The following RBKS variants were observed in gnomAD, a reference collection of about 807,000 sequenced individuals.
The protein encoded by RBKS is ribokinase.
A neutral mutation model predicts 33.9 loss-of-function variants in RBKS; 33 were observed. That is an observed-to-expected ratio of 0.97 (90% CI 0.74 to 1.30). RBKS has a LOEUF of 1.30. Among genes scored for constraint, RBKS ranks in the 50% most tolerant of loss-of-function variants. RBKS has a pLI of 0.00. For synonymous variants in RBKS, 125 were observed against 143.0 expected (o/e 0.87, Z 0.90); for missense variants, 361 against 392.6 (o/e 0.92, Z 0.68).
chr2:27,864,491 G>A (rs1664049001), intron 1 of RBKS, among the ~76,000 whole-genome samples: 1 of 152,084 alleles, frequency 6.6e-6, no homozygotes, highest in Non-Finnish European at 1.5e-5. Context: ...AAGTGTACCA[G>A]GCAATGAGAG....
intron 2 of RBKS, among the ~76,000 whole-genome samples, chr2:27,852,251 C>T (rs1005446172): frequency 1.3e-5 from 2 of 152,154 alleles, no homozygotes; most frequent in South Asian, 4.1e-4. Flanking sequence ...TTGTTCTGCC[C>T]AATACAGACA....
At chr2:27,832,506 T>A (rs73923923) in intron 6 of RBKS, among the ~76,000 whole-genome samples, 180 bp downstream of exon 6, 2 of 152,168 alleles carry the variant, frequency 1.3e-5, no homozygotes, top group Non-Finnish European at 2.9e-5. Flanking sequence ...GAATCCTTTT[T>A]TCCCCCCTAG....
intron 1 of RBKS, among the ~76,000 whole-genome samples, chr2:27,869,307 T>C (rs1248155357): frequency 6.6e-6 from 1 of 152,248 alleles, no homozygotes; most frequent in Non-Finnish European, 1.5e-5. Flanking sequence ...ATGGTGCTCC[T>C]TTCCTACTTA....
intron 4 of RBKS, among the ~76,000 whole-genome samples, chr2:27,846,672 A>G (rs1663626334): frequency 6.6e-6 from 1 of 152,224 alleles, no homozygotes; most frequent in African/African-American, 2.4e-5. Flanking sequence ...GCACCTATTT[A>G]CATATACTTA....
At position 27,890,050 on chromosome 2, in the gene RBKS, CG is replaced by C. The variant is rs1297073967; in HGVS notation, c.89+206del. On this transcript the variant is annotated intron_variant, in intron 1 of 7. Transcript: ENST00000302188. The surrounding 1 kb of genome is among the most constrained non-coding windows in gnomAD (Gnocchi z 4.8). Reference sequence around the variant, plus strand: ...GCTTTCACTAAACCCTGGCCTATTACGTCCCCTCCCCTGAGATTTACCTTTA... The same window carrying C: ...GCTTTCACTAAACCCTGGCCTATTACTCCCCTCCCCTGAGATTTACCTTTA... 3.7e-6 allele frequency: 2 copies of C among 538,594 alleles called. No homozygotes were observed. Among genetic ancestry groups the C allele is most frequent in the Non-Finnish European group, 6.6e-6 (2 of 301,128 alleles). 33.4% of individuals were successfully genotyped at this position (538,594 alleles called of 1,614,324 possible).
At chr2:27,814,925 C>CT (rs2148195838) in intron 7 of RBKS, among the ~76,000 whole-genome samples, 1 of 152,302 alleles carries the variant, frequency 6.6e-6, no homozygotes, top group African/African-American at 2.4e-5. Flanking sequence ...GCAGTACATT[C>CT]TGTTCACACA....
chr2:27,786,251 A>G (rs974587543), intron 7 of RBKS, among the ~76,000 whole-genome samples: 1 of 152,176 alleles, frequency 6.6e-6, no homozygotes, highest in Non-Finnish European at 1.5e-5. Context: ...TCTTCTTTAT[A>G]TACTTTTATA....
rs1264259029 is a variant in RBKS at position 27,837,725 on chromosome 2, A to G, written c.515-4948T>C. ...TAATCCTAATCAAATTAAAATAAGA[A>G]CAGAAAACCAAATACCACATGTATT... On this transcript the variant is annotated intron_variant, in intron 5 of 7. Transcript: ENST00000302188. This position sits in a 1 kb window ranked among gnomAD's most constrained non-coding sequence, Gnocchi z 4.0. 2.0e-5 allele frequency among the ~76,000 whole-genome samples: 3 copies of G among 152,206 alleles called. No homozygotes were observed. Among genetic ancestry groups the G allele is most frequent in the Non-Finnish European group, 4.4e-5 (3 of 68,036 alleles).
chr2:27,842,664 T>G (rs1185808585), intron 5 of RBKS, among the ~76,000 whole-genome samples: 1 of 152,014 alleles, frequency 6.6e-6, no homozygotes, highest in Non-Finnish European at 1.5e-5. Flanking sequence ...GAATTCTTTT[T>G]TTTTTTTTTG....
chr2:27,842,054 A>T (rs1201239993), intron 5 of RBKS, among the ~76,000 whole-genome samples: 2 of 152,210 alleles, frequency 1.3e-5, no homozygotes, highest in African/African-American at 4.8e-5. Flanking sequence ...ACAATTCTGC[A>T]GATGGAGTAT....
intron 7 of RBKS, among the ~76,000 whole-genome samples, chr2:27,826,441 G>A (rs972289811): frequency 1.4e-5 from 2 of 144,666 alleles, no homozygotes; most frequent in African/African-American, 2.6e-5. Context: ...ACGGACTCTC[G>A]CTCTATTGCC....
At chr2:27,828,204 C>G (rs1247354866) in intron 6 of RBKS, among the ~76,000 whole-genome samples, 1 of 151,804 alleles carries the variant, frequency 6.6e-6, no homozygotes, top group East Asian at 1.9e-4. Context: ...AAAATGTTAG[C>G]AAATGTTTAG....
chr2:27,821,410 C>T (rs1325338352), intron 7 of RBKS, among the ~76,000 whole-genome samples: 1 of 151,918 alleles, frequency 6.6e-6, no homozygotes, highest in Non-Finnish European at 1.5e-5. Flanking sequence ...TGCAATTACA[C>T]ATATTAATCC....
chr2:27,851,602 G>A (rs981969630), intron 2 of RBKS, among the ~76,000 whole-genome samples: 2 of 151,748 alleles, frequency 1.3e-5, no homozygotes, highest in East Asian at 1.9e-4. Context: ...GCAATGGTGC[G>A]ATCTCCGCTC....
chr2:27,842,782 G>C (rs1311719576), intron 5 of RBKS, among the ~76,000 whole-genome samples: 1 of 151,664 alleles, frequency 6.6e-6, no homozygotes, highest in Non-Finnish European at 1.5e-5. Flanking sequence ...TCAGCCTCCT[G>C]AGTAGCTGGA....
chr2:27,843,559 G>A (rs1367720574), intron 4 of RBKS, among the ~76,000 whole-genome samples: 4 of 152,148 alleles, frequency 2.6e-5, no homozygotes, highest in African/African-American at 9.7e-5. Context: ...GCTAGTATAT[G>A]TATGCGGTAA....
chr2:27,800,902 A>G (rs754675738), intron 7 of RBKS, among the ~76,000 whole-genome samples: 1 of 152,142 alleles, frequency 6.6e-6, no homozygotes, highest in Non-Finnish European at 1.5e-5. Context: ...TCCATTCCCC[A>G]TGCTTTCATT....
rs1164250589 is a variant in RBKS at position 27,818,472 on chromosome 2, G to GAGAC, written c.795+9091_795+9094dup. On this transcript the variant is annotated intron_variant, in intron 7 of 7. Transcript: ENST00000302188. ...TGAGGTAGCAAGTACATGGGTGTTG[G>GAGAC]AGACAGACAGACAGACAGATAGGCA... Among the ~76,000 whole-genome samples the GAGAC allele has an allele frequency of 2.6e-5, 4 of 152,274 alleles. No individual in the cohort carries two copies. The South Asian group carries it at 6.2e-4, about 24-fold the overall frequency.
At chr2:27,813,675 A>G (rs768908529) in intron 7 of RBKS, among the ~76,000 whole-genome samples, 19 of 152,062 alleles carry the variant, frequency 1.2e-4, no homozygotes, top group Non-Finnish European at 1.2e-4. Context: ...ATCTATATAT[A>G]TATATGTATG....
Sources: allele counts gnomAD v4.1 joint callset (sites outside exome capture counted in the v4.1 genomes callset), GRCh38; gene constraint gnomAD v4.1.1; non-coding constraint Gnocchi (gnomAD v3.1); transcripts MANE v1.5; gene names NCBI Gene and HGNC (gene_info 2026-07-23, HGNC 2026-07-21).